UBE2E2: variants seen among roughly 807,000 people sequenced by gnomAD.
UBE2E2 encodes the protein ubiquitin conjugating enzyme E2 E2.
In UBE2E2, 6 loss-of-function variants were observed where a neutral mutation model predicts 24.7. That is an observed-to-expected ratio of 0.24 (90% CI 0.13 to 0.48). UBE2E2 has a LOEUF of 0.48. UBE2E2 is among the 20% of genes least tolerant of loss of function. UBE2E2 has a pLI of 0.99. For missense variants in UBE2E2, 169 were observed against 245.0 expected (o/e 0.69, Z 2.07); for synonymous variants, 104 against 83.6 (o/e 1.24, Z -1.33).
chr3:23,553,117 T>C (rs1187976836), intron 5 of UBE2E2, among the ~76,000 whole-genome samples: 1 of 152,042 alleles, frequency 6.6e-6, no homozygotes, highest in Admixed American at 6.6e-5. Context: ...TTTTCTCTTT[T>C]GTGTTAATGG....
intron 3 of UBE2E2, among the ~76,000 whole-genome samples, chr3:23,254,310 G>A (rs1008241721): frequency 3.3e-5 from 5 of 152,306 alleles, no homozygotes; most frequent in Middle Eastern, 3.4e-3. Flanking sequence ...TGACTTGAAA[G>A]CATGGGGAAG....
intron 5 of UBE2E2, among the ~76,000 whole-genome samples, chr3:23,579,871 T>C (rs1374155973): frequency 6.6e-6 from 1 of 152,216 alleles, no homozygotes; most frequent in Admixed American, 6.5e-5. Flanking sequence ...ATATCCACAT[T>C]AACCAGAGTT....
chr3:23,352,222 A>G (rs1302490801), intron 3 of UBE2E2, among the ~76,000 whole-genome samples: 5 of 152,084 alleles, frequency 3.3e-5, no homozygotes, highest in East Asian at 1.9e-4. Context: ...TCTCTGGGAC[A>G]CATTCAAAGC....
At chr3:23,515,192 G>T (rs966009301) in intron 4 of UBE2E2, among the ~76,000 whole-genome samples, 3 of 150,658 alleles carry the variant, frequency 2.0e-5, no homozygotes, top group Admixed American at 6.6e-5. Context: ...CATATGTATA[G>T]AGAGAGAGAT....
chr3:23,358,515 C>G (rs532636821), intron 3 of UBE2E2, among the ~76,000 whole-genome samples: 3 of 152,102 alleles, frequency 2.0e-5, no homozygotes, highest in African/African-American at 7.2e-5. Flanking sequence ...CATCAAATAT[C>G]AATAAGTACG....
intron 4 of UBE2E2, among the ~76,000 whole-genome samples, chr3:23,505,000 G>T (rs1334583678): frequency 6.9e-6 from 1 of 144,860 alleles, no homozygotes; most frequent in Non-Finnish European, 1.5e-5. Context: ...CCTCCGCCCA[G>T]TCTCAAGCGA....
chr3:23,537,331 A>G (rs1374831825), intron 5 of UBE2E2, among the ~76,000 whole-genome samples: 1 of 152,226 alleles, frequency 6.6e-6, no homozygotes, highest in African/African-American at 2.4e-5. Flanking sequence ...CTCTAAGCAT[A>G]CCCACAAACA....
intron 3 of UBE2E2, among the ~76,000 whole-genome samples, chr3:23,300,592 A>G (rs1011730259): frequency 8.5e-5 from 13 of 152,308 alleles, no homozygotes; most frequent in South Asian, 4.1e-4. Flanking sequence ...TCATTTCTTT[A>G]AGAATGTTGA....
chr3:23,588,410 G>GTTTTTTTTTTTTTTTTTT (rs199679364), intron 5 of UBE2E2, among the ~76,000 whole-genome samples: 2 of 130,060 alleles, frequency 1.5e-5, no homozygotes, highest in Admixed American at 7.4e-5. Flanking sequence ...TTGTTTTTTT[G>GTTTTTTTTTTTTTTTTTT]TTTTTTTTTT....
chr3:23,228,279 T>C (rs10510536), intron 3 of UBE2E2, among the ~76,000 whole-genome samples: 24,795 of 152,102 alleles, frequency 0.16, 2,344 homozygotes, highest in African/African-American at 0.25. Context: ...TTAAAAACGA[T>C]AAAATAATGT....
intron 3 of UBE2E2, among the ~76,000 whole-genome samples, chr3:23,435,953 A>G (rs554919962): frequency 1.3e-4 from 20 of 152,226 alleles, no homozygotes; most frequent in Non-Finnish European, 1.9e-4. Flanking sequence ...CAGATCATCA[A>G]GCGTTAGTTA....
chr3:23,535,618 CTTTTTTTTTT>C (rs67901258), intron 5 of UBE2E2, among the ~76,000 whole-genome samples: 1 of 86,020 alleles, frequency 1.2e-5, no homozygotes, highest in Admixed American at 1.4e-4. Flanking sequence ...ATAGAGCATT[CTTTTTTTTTT>C]TTTTTTTTTT....
At chr3:23,569,128 C>A (rs1696162632) in intron 5 of UBE2E2, among the ~76,000 whole-genome samples, 1 of 152,068 alleles carries the variant, frequency 6.6e-6, no homozygotes, top group Non-Finnish European at 1.5e-5. Context: ...TATATTCATA[C>A]AATGGAAAAT....
chr3:23,514,240 C>T (rs1694677047), intron 4 of UBE2E2, among the ~76,000 whole-genome samples: 1 of 152,162 alleles, frequency 6.6e-6, no homozygotes, highest in African/African-American at 2.4e-5. Context: ...TTTCTGACCA[C>T]CTTCTATAAA....
chr3:23,401,078 A>T (rs891593873), intron 3 of UBE2E2, among the ~76,000 whole-genome samples: 7 of 152,206 alleles, frequency 4.6e-5, no homozygotes, highest in African/African-American at 1.7e-4. Flanking sequence ...AGATGGTTAT[A>T]TTTAAGCTAT....
intron 5 of UBE2E2, among the ~76,000 whole-genome samples, chr3:23,556,544 T>C (rs980402881): frequency 2.0e-5 from 3 of 150,988 alleles, no homozygotes; most frequent in Admixed American, 6.6e-5. Context: ...TGATAAGGCA[T>C]TGGTATTAAA....
chr3:23,565,181 T>C (rs1342367385), intron 5 of UBE2E2, among the ~76,000 whole-genome samples: 4 of 152,144 alleles, frequency 2.6e-5, no homozygotes, highest in African/African-American at 4.8e-5. Context: ...TGTGCATCCC[T>C]CTGGGAGAGA....
intron 3 of UBE2E2, among the ~76,000 whole-genome samples, chr3:23,224,429 G>A (rs1043667009): frequency 6.6e-6 from 1 of 151,510 alleles, no homozygotes; most frequent in Non-Finnish European, 1.5e-5. Flanking sequence ...ATTGTAAATA[G>A]GATTGCTTTC....
At chr3:23,578,748 A>C (rs1696401388) in intron 5 of UBE2E2, among the ~76,000 whole-genome samples, 1 of 152,120 alleles carries the variant, frequency 6.6e-6, no homozygotes, top group South Asian at 2.1e-4. Flanking sequence ...AAACATGGTG[A>C]GGAACAGCAC....
Sources: allele counts gnomAD v4.1 joint callset (sites outside exome capture counted in the v4.1 genomes callset), GRCh38; gene constraint gnomAD v4.1.1; transcripts MANE v1.5; gene names NCBI Gene and HGNC (gene_info 2026-07-23, HGNC 2026-07-21).